PRKCA: variants seen among roughly 807,000 people sequenced by gnomAD.
PRKCA encodes protein kinase C alpha type.
In PRKCA, 27 loss-of-function variants were observed where a neutral mutation model predicts 87.0. That is an observed-to-expected ratio of 0.31 (90% CI 0.23 to 0.43). The LOEUF is 0.43. Ranked by LOEUF, PRKCA falls within the 20% of genes least tolerant of loss-of-function variation. The pLI, the probability that PRKCA is intolerant of heterozygous loss-of-function variation, is 1.00. For missense variants in PRKCA, 518 were observed against 852.3 expected (o/e 0.61, Z 4.88); for synonymous variants, 329 against 311.1 (o/e 1.06, Z -0.61).
chr17:66,436,242 C>T (rs1031078148), intron 2 of PRKCA, among the ~76,000 whole-genome samples: 1 of 152,128 alleles, frequency 6.6e-6, no homozygotes, highest in African/African-American at 2.4e-5. Context: ...AATGACTTAG[C>T]AGGGGGAAGT....
chr17:66,375,435 G>GT (rs1164528602), intron 2 of PRKCA, among the ~76,000 whole-genome samples: 1 of 152,124 alleles, frequency 6.6e-6, no homozygotes, highest in African/African-American at 2.4e-5. Flanking sequence ...TTCTTCCTTG[G>GT]TCTGCTTGGT....
At chr17:66,693,932 C>T (rs1047901869) in intron 8 of PRKCA, among the ~76,000 whole-genome samples, 2 of 152,148 alleles carry the variant, frequency 1.3e-5, no homozygotes, top group African/African-American at 4.8e-5. Flanking sequence ...GAATCAAATC[C>T]TAGTTTAGTC....
At chr17:66,555,036 C>T (rs1385562461) in intron 3 of PRKCA, among the ~76,000 whole-genome samples, 1 of 152,096 alleles carries the variant, frequency 6.6e-6, no homozygotes, top group Non-Finnish European at 1.5e-5. Context: ...CGCTGCCATG[C>T]CCGGCCAAGT....
chr17:66,492,430 A>G (rs1449346869), intron 2 of PRKCA, among the ~76,000 whole-genome samples: 1 of 152,238 alleles, frequency 6.6e-6, no homozygotes, highest in African/African-American at 2.4e-5. Context: ...AACAGGTACA[A>G]AAAGCAAACT....
intron 2 of PRKCA, among the ~76,000 whole-genome samples, chr17:66,331,041 G>T (rs1906293601): frequency 6.6e-6 from 1 of 152,230 alleles, no homozygotes; most frequent in Non-Finnish European, 1.5e-5. Flanking sequence ...AGATGATGCT[G>T]ATAGCCCTGA....
intron 2 of PRKCA, among the ~76,000 whole-genome samples, chr17:66,401,819 A>C (rs1409817591): frequency 6.6e-6 from 1 of 152,208 alleles, no homozygotes; most frequent in Non-Finnish European, 1.5e-5. Flanking sequence ...GGAATATAAG[A>C]ATAGACACTG....
chr17:66,671,677 TGAAA>T (rs1173606460), intron 5 of PRKCA, among the ~76,000 whole-genome samples: 4 of 152,020 alleles, frequency 2.6e-5, no homozygotes, highest in Non-Finnish European at 5.9e-5. Flanking sequence ...ATTTATGAGA[TGAAA>T]GAAAGAAAGC....
chr17:66,482,115 AAAG>A (rs1351852161), intron 2 of PRKCA, among the ~76,000 whole-genome samples: 2 of 150,430 alleles, frequency 1.3e-5, no homozygotes, highest in African/African-American at 4.9e-5. Flanking sequence ...AAAAAAAAAA[AAAG>A]AAAAAAAGAA....
chr17:66,530,197 A>G (rs1296281312), intron 3 of PRKCA, among the ~76,000 whole-genome samples: 2 of 152,188 alleles, frequency 1.3e-5, no homozygotes, highest in Non-Finnish European at 2.9e-5. Context: ...GTGGAGATAC[A>G]ACCTAAGTAC....
intron 3 of PRKCA, among the ~76,000 whole-genome samples, chr17:66,535,052 A>T (rs145460022): frequency 6.6e-6 from 1 of 152,332 alleles, no homozygotes; most frequent in Non-Finnish European, 1.5e-5. Context: ...TCAGCACTTC[A>T]TGTGAATTAT....
intron 8 of PRKCA, among the ~76,000 whole-genome samples, chr17:66,713,244 G>T (rs1354609127): frequency 6.6e-6 from 1 of 152,032 alleles, no homozygotes; most frequent in East Asian, 1.9e-4. Context: ...TAAAGAAGGG[G>T]TTTCACCATA....
intron 2 of PRKCA, among the ~76,000 whole-genome samples, chr17:66,378,104 C>T (rs1051860486): frequency 6.6e-6 from 1 of 151,878 alleles, no homozygotes; most frequent in African/African-American, 2.4e-5. Flanking sequence ...GGGTGGATCA[C>T]CTGAGGTGAG....
chr17:66,770,737 G>T (rs1455818863), intron 13 of PRKCA, among the ~76,000 whole-genome samples: 1 of 152,212 alleles, frequency 6.6e-6, no homozygotes, highest in African/African-American at 2.4e-5. Context: ...AAGAGTGAGG[G>T]TTCCAACTTT....
chr17:66,727,573 C>G (rs1379061630), intron 8 of PRKCA, among the ~76,000 whole-genome samples: 1 of 152,178 alleles, frequency 6.6e-6, no homozygotes, highest in Non-Finnish European at 1.5e-5. Context: ...TTGTGGGCCC[C>G]TAGCTTATGC....
At chr17:66,569,546 G>A (rs1211116388) in intron 3 of PRKCA, among the ~76,000 whole-genome samples, 1 of 152,036 alleles carries the variant, frequency 6.6e-6, no homozygotes, top group Non-Finnish European at 1.5e-5. Flanking sequence ...TCCAGCCTGA[G>A]CAAGAAGAGT....
intron 2 of PRKCA, among the ~76,000 whole-genome samples, chr17:66,418,491 A>G (rs143128616): frequency 0.042 from 6,312 of 149,906 alleles, 197 homozygotes; most frequent in Admixed American, 0.077. Context: ...GCTGGAGTGC[A>G]GTGGCGCGAT....
intron 3 of PRKCA, among the ~76,000 whole-genome samples, chr17:66,560,591 C>T (rs957454147): frequency 2.6e-5 from 4 of 152,150 alleles, no homozygotes; most frequent in Admixed American, 6.5e-5. Flanking sequence ...AGATGGGAGT[C>T]AGGGTGGCCT....
chr17:66,422,962 T>C (rs973295275), intron 2 of PRKCA, among the ~76,000 whole-genome samples: 2 of 151,368 alleles, frequency 1.3e-5, no homozygotes, highest in Admixed American at 1.3e-4. Context: ...AATAGAAAAA[T>C]TAGCTGAGCA....
intron 16 of PRKCA, among the ~76,000 whole-genome samples, chr17:66,794,584 G>A (rs1245886960): frequency 4.0e-5 from 6 of 148,832 alleles, no homozygotes; most frequent in South Asian, 2.1e-4. Context: ...TAGCATGTTC[G>A]TGTTATATTG....
Sources: allele counts gnomAD v4.1 joint callset (sites outside exome capture counted in the v4.1 genomes callset), GRCh38; gene constraint gnomAD v4.1.1; transcripts MANE v1.5; gene names NCBI Gene and HGNC (gene_info 2026-07-23, HGNC 2026-07-21).